Variants in PDZRN4 observed in about 807,000 individuals in gnomAD.
PDZRN4 encodes the protein PDZ domain containing ring finger 4, also known as PDZ domain-containing RING finger protein 4.
A neutral mutation model predicts 99.0 loss-of-function variants in PDZRN4; 70 were observed. The observed-to-expected ratio is 0.71, with a 90% CI of 0.58 to 0.86. The LOEUF is 0.86. Ranked by LOEUF, PDZRN4 falls within the 40% of genes least tolerant of loss-of-function variation. The pLI, the probability that PDZRN4 is intolerant of heterozygous loss-of-function variation, is 0.00. For missense variants in PDZRN4, 1,474 were observed against 1,331.2 expected (o/e 1.11, Z -1.67); for synonymous variants, 551 against 501.6 (o/e 1.10, Z -1.32).
In PDZRN4 at chr12:41,188,429, G is replaced by T. The variant is rs369517124; in HGVS notation, c.-27G>T. The T allele has an allele frequency of 6.5e-7, 1 of 1,541,194 alleles. No individual in the cohort carries two copies. Among genetic ancestry groups the T allele is most frequent in the Non-Finnish European group, 8.7e-7 (1 of 1,149,772 alleles). On this transcript the variant is annotated 5_prime_UTR_variant, in exon 1 of 10. Coordinates refer to ENST00000402685, the MANE Select transcript of PDZRN4 (RefSeq NM_001164595.2). ...CTCGGAGAAGACGGACTCTGCTTTC[G>T]CTCCCCCTTTCTTCCCCATCCCTAA...
intron 3 of PDZRN4, among the ~76,000 whole-genome samples, chr12:41,374,397 C>T (rs1952065104): frequency 6.6e-6 from 1 of 152,000 alleles, no homozygotes; most frequent in South Asian, 2.1e-4. Flanking sequence ...CTGGTAATTG[C>T]TGGATATGGA....
chr12:41,299,529 T>A (rs59757034), intron 3 of PDZRN4, among the ~76,000 whole-genome samples: 4 of 152,118 alleles, frequency 2.6e-5, no homozygotes, highest in African/African-American at 9.6e-5. Context: ...CCTGTTTTTT[T>A]AGGCTTAGAT....
chr12:41,539,237 T>G (rs1474215400), intron 5 of PDZRN4, among the ~76,000 whole-genome samples: 1 of 152,034 alleles, frequency 6.6e-6, no homozygotes, highest in Admixed American at 6.6e-5. Context: ...CATATCTTCC[T>G]GCTTGTTTAA....
At chr12:41,531,819 T>C (rs529639543) in intron 5 of PDZRN4, among the ~76,000 whole-genome samples, 105 of 152,376 alleles carry the variant, frequency 6.9e-4, no homozygotes, top group Non-Finnish European at 1.2e-3. Context: ...TTTAGCTCTT[T>C]ATATATTTTA....
At chr12:41,522,724 C>A (rs562754925) in intron 5 of PDZRN4, among the ~76,000 whole-genome samples, 2 of 152,178 alleles carry the variant, frequency 1.3e-5, no homozygotes, top group South Asian at 4.1e-4. Flanking sequence ...CCTTAATGGT[C>A]TTAAACATGT....
At chr12:41,533,282 C>T (rs763680239) in intron 5 of PDZRN4, among the ~76,000 whole-genome samples, 50 of 151,948 alleles carry the variant, frequency 3.3e-4, no homozygotes, top group Admixed American at 9.2e-4. Flanking sequence ...TCAAGCAATT[C>T]TCCCGCCTCA....
intron 5 of PDZRN4, among the ~76,000 whole-genome samples, chr12:41,535,804 G>T (rs754122031): frequency 1.3e-5 from 2 of 152,136 alleles, no homozygotes; most frequent in Non-Finnish European, 2.9e-5. Context: ...TGCAACATGA[G>T]GTTCTTCACC....
intron 4 of PDZRN4, 149 bp downstream of exon 4, chr12:41,506,861 A>G: frequency 1.2e-6 from 1 of 826,238 alleles, no homozygotes; most frequent in Admixed American, 2.9e-5. Context: ...CTGTTTTGAT[A>G]TGTGCAATTA....
At chr12:41,337,349 G>A (rs149671926) in intron 3 of PDZRN4, among the ~76,000 whole-genome samples, 61 of 152,134 alleles carry the variant, frequency 4.0e-4, no homozygotes, top group African/African-American at 1.3e-3. Flanking sequence ...TACCTGTCAC[G>A]TCTTTCCAGT....
chr12:41,401,086 A>G (rs1219139167), intron 3 of PDZRN4, among the ~76,000 whole-genome samples: 2 of 152,182 alleles, frequency 1.3e-5, no homozygotes, highest in African/African-American at 4.8e-5. Context: ...TACCTGGTAT[A>G]TAGCAAAAAT....
chr12:41,397,182 GA>G (rs1225120061), intron 3 of PDZRN4, among the ~76,000 whole-genome samples: 1 of 152,028 alleles, frequency 6.6e-6, no homozygotes, highest in East Asian at 1.9e-4. Flanking sequence ...ACTGTTACTT[GA>G]TTTGTTAAAT....
chr12:41,508,591 A>C (rs1257595806), intron 4 of PDZRN4, among the ~76,000 whole-genome samples: 1 of 152,192 alleles, frequency 6.6e-6, no homozygotes, highest in Non-Finnish European at 1.5e-5. Context: ...TGTCCAAAGC[A>C]GCAGGCTTCG....
intron 3 of PDZRN4, among the ~76,000 whole-genome samples, chr12:41,493,901 T>TGG (rs149736537): frequency 6.4e-3 from 891 of 138,410 alleles, no homozygotes; most frequent in African/African-American, 0.011. Context: ...AAAAAAATAA[T>TGG]GGGGGGGGGG....
At chr12:41,231,015 T>G (rs571292021) in intron 3 of PDZRN4, among the ~76,000 whole-genome samples, 1 of 152,216 alleles carries the variant, frequency 6.6e-6, no homozygotes, top group South Asian at 2.1e-4. Flanking sequence ...CCCCTGTGGT[T>G]TAATGGAGTG....
intron 6 of PDZRN4, among the ~76,000 whole-genome samples, chr12:41,554,827 G>A (rs1939118243): frequency 6.6e-6 from 1 of 151,974 alleles, no homozygotes; most frequent in African/African-American, 2.4e-5. Flanking sequence ...GTGTATGTGT[G>A]TGTGTGTGTG....
intron 3 of PDZRN4, among the ~76,000 whole-genome samples, chr12:41,201,216 T>C (rs1950814069): frequency 6.6e-6 from 1 of 151,538 alleles, no homozygotes; most frequent in African/African-American, 2.4e-5. Flanking sequence ...TCCCTTTTCC[T>C]ATGGACAGGC....
Position 41,189,170 on chromosome 12 carries a change from G to A in PDZRN4, c.648+67G>A, listed in dbSNP as rs183261703. On this transcript the variant is annotated intron_variant, in intron 1 of 9. Coordinates refer to ENST00000402685, the MANE Select transcript of PDZRN4 (RefSeq NM_001164595.2). ...GGTGGGAAAAGGAGCGGTTCTTTCT[G>A]ACGCTTCAGGATTCCTTTGGAATTG... The A allele has an allele frequency of 1.5e-5, 21 of 1,442,760 alleles. No homozygotes were observed. The African/African-American group carries it at 2.4e-4, about 16-fold the overall frequency. The allele number at this position is 1,442,760 out of a possible 1,614,324, so 89.4% of individuals were successfully genotyped here. A position where few individuals can be genotyped will look rare whatever the true frequency, so the allele number is the denominator to read the frequency against.
At chr12:41,525,603 T>C (rs535797671) in intron 5 of PDZRN4, among the ~76,000 whole-genome samples, 2 of 152,158 alleles carry the variant, frequency 1.3e-5, no homozygotes, top group African/African-American at 4.8e-5. Flanking sequence ...GATATAGGTA[T>C]AGACAGATCT....
chr12:41,327,613 A>G (rs560538026), intron 3 of PDZRN4, among the ~76,000 whole-genome samples: 1 of 152,288 alleles, frequency 6.6e-6, no homozygotes, highest in African/African-American at 2.4e-5. Flanking sequence ...CACACTCTTG[A>G]AACAGTGCAG....
Sources: gnomAD v4.1 joint callset for allele counts (sites outside exome capture counted in the v4.1 genomes callset) on GRCh38, gnomAD v4.1.1 for gene constraint, MANE v1.5 for transcripts, NCBI Gene and HGNC (gene_info 2026-07-23, HGNC 2026-07-21) for gene names.